The following HEATR5B variants were observed in gnomAD, a reference collection of about 807,000 sequenced individuals.
HEATR5B encodes HEAT repeat-containing protein 5B.
Under a neutral mutation model 224.1 loss-of-function variants are expected in HEATR5B, and 156 were observed. The observed-to-expected ratio is 0.70, with a 90% CI of 0.61 to 0.80. The LOEUF (loss-of-function observed/expected upper bound fraction) is 0.80. HEATR5B is among the 30% of genes least tolerant of loss of function. The probability of loss-of-function intolerance (pLI) is 0.00; values close to 1 mark genes in which losing one functional copy is unlikely to be tolerated. For missense variants in HEATR5B, 2,323 were observed against 2,535.5 expected, an observed-to-expected ratio of 0.92 and a Z score of 1.80; for synonymous variants, 1,027 against 893.0, an observed-to-expected ratio of 1.15 and a Z score of -2.68.
At chr2:36,986,094 C>T (rs141107810) in intron 35 of HEATR5B, among the ~76,000 whole-genome samples, 67 of 152,124 alleles carry the variant, frequency 4.4e-4, no homozygotes, top group African/African-American at 1.3e-3. Context: ...AATACTAGAA[C>T]GCAATAAAAC....
intron 35 of HEATR5B, among the ~76,000 whole-genome samples, chr2:36,986,071 C>A (rs1665931612): frequency 1.3e-5 from 2 of 151,984 alleles, no homozygotes; most frequent in South Asian, 2.1e-4. Context: ...AGAGTCAACT[C>A]AAAAATATTT....
intron 24 of HEATR5B, among the ~76,000 whole-genome samples, chr2:37,021,144 T>C (rs1423681380): frequency 6.8e-6 from 1 of 146,932 alleles, no homozygotes; most frequent in African/African-American, 2.6e-5. Context: ...GGCAGACTTT[T>C]TTGGTAAAGA....
chr2:36,982,655 T>G (rs1205604225), intron 35 of HEATR5B, among the ~76,000 whole-genome samples: 1 of 152,098 alleles, frequency 6.6e-6, no homozygotes. Context: ...GCAAGGACAG[T>G]GATAATAATC....
Position 37,007,232 on chromosome 2 carries a change from A to G in HEATR5B, c.4595T>C (p.Leu1532Pro). 2 of 1,613,960 alleles carry G rather than the reference A, an allele frequency of 1.2e-6. No homozygotes were observed. The highest frequency in any genetic ancestry group is 1.7e-6 in the Non-Finnish European group (2 of 1,179,958). Residue 1532 changes from leucine to proline, a missense_variant, in exon 29 of 36, where the codon CTC becomes CCC. Physicochemically the swap from Leu to Pro is moderately conservative, Grantham distance 98. This residue lies in a region of HEATR5B where 844 missense variants were observed against 812.9 expected (regional missense o/e 1.04). Transcript: ENST00000233099. Reference sequence around the variant, plus strand: ...ATTTAACCAAAGTGCCACCGCATGGAGAATTGGGGCCCAGGAATTCCGATA... The same window carrying G: ...ATTTAACCAAAGTGCCACCGCATGGGGAATTGGGGCCCAGGAATTCCGATA... ...LHYRNSWAPI[L>P]HAVALWLNST...
At chr2:37,060,847 G>A in intron 11 of HEATR5B, 114 bp from the exon 12 acceptor site, 1 of 696,054 alleles carries the variant, frequency 1.4e-6, no homozygotes, top group Non-Finnish European at 2.3e-6. Context: ...TGAAAATAGA[G>A]TAAAATACTG....
intron 35 of HEATR5B, among the ~76,000 whole-genome samples, chr2:36,987,815 T>C (rs1176831186): frequency 6.6e-6 from 1 of 152,190 alleles, no homozygotes; most frequent in Admixed American, 6.5e-5. Flanking sequence ...ACACCTGTAA[T>C]TCTAGCACTT....
rs192131539 is a variant in HEATR5B at position 37,059,966 on chromosome 2, T to A, written c.1849+615A>T. 2.5e-3 allele frequency among the ~76,000 whole-genome samples: 379 copies of A among 152,188 alleles called. 1 individual carries two copies. Among genetic ancestry groups the A allele is most frequent in the African/African-American group, 8.8e-3 (365 of 41,518 alleles). ...GTGAAACATGTATCTCTCTCCCAGTTTGGAAAAAGAAGTAGTTTTCACTCT... is the reference window on the plus strand; with the variant it reads ...GTGAAACATGTATCTCTCTCCCAGTATGGAAAAAGAAGTAGTTTTCACTCT... On this transcript the variant is annotated intron_variant, in intron 12 of 35. Transcript: ENST00000233099.
chr2:37,005,563 CT>C, intron 30 of HEATR5B, 68 bp downstream of exon 30: 2 of 1,445,160 alleles, frequency 1.4e-6, no homozygotes, highest in Non-Finnish European at 1.9e-6. Flanking sequence ...AAAATCCATC[CT>C]TTTTTCCATT....
At chr2:36,994,980 G>C (rs1264043825) in intron 33 of HEATR5B, among the ~76,000 whole-genome samples, 1 of 151,836 alleles carries the variant, frequency 6.6e-6, no homozygotes, top group African/African-American at 2.4e-5. Context: ...TCGATCTCCT[G>C]ACTTCATGAT....
intron 26 of HEATR5B, among the ~76,000 whole-genome samples, chr2:37,015,822 T>C (rs1339399532): frequency 1.3e-5 from 2 of 152,204 alleles, no homozygotes; most frequent in East Asian, 3.8e-4. Context: ...GGTAATTACA[T>C]AACCCTAGGA....
Position 36,984,237 on chromosome 2 carries a change from T to TATATATATAA in HEATR5B, c.5912-2444_5912-2443insTTATATATAT, listed in dbSNP as rs1217602304. ...AAAAATATATATATATATATATATATAAAACTGGAAAAAATATAAGTTATT... is the reference window on the plus strand; with the variant it reads ...AAAAATATATATATATATATATATATATATATATAAAAAACTGGAAAAAATATAAGTTATT... On this transcript the variant is annotated intron_variant, in intron 35 of 35. Coordinates refer to ENST00000233099, the MANE Select transcript of HEATR5B (RefSeq NM_019024.3). 7.5e-4 allele frequency among the ~76,000 whole-genome samples: 84 copies of TATATATATAA among 111,928 alleles called. 1 individual carries two copies. The highest frequency in any genetic ancestry group is 1.4e-3 in the Non-Finnish European group (74 of 53,446). 73.4% of individuals were successfully genotyped at this position (111,928 alleles called of 152,430 possible).
chr2:36,983,514 G>A (rs555105939), intron 35 of HEATR5B, among the ~76,000 whole-genome samples: 2 of 152,126 alleles, frequency 1.3e-5, no homozygotes, highest in Non-Finnish European at 2.9e-5. Flanking sequence ...ACTCCAGCCT[G>A]GGCAACAAGA....
chr2:37,007,139 G>A lies in HEATR5B; in HGVS notation c.4688C>T (p.Thr1563Ile). 2 of 1,614,080 alleles carry A rather than the reference G, an allele frequency of 1.2e-6. No homozygotes were observed. Among genetic ancestry groups the A allele is most frequent in the African/African-American group, 1.3e-5 (1 of 75,022 alleles). ...AAISGLQKRSTSVNLNQASGA... is the reference protein window; with the variant it reads ...AAISGLQKRSISVNLNQASGA... ...TGATGCCTGGTTTAAATTGACAGAT[G>A]TAGAACGTTTTTGTAAACCAGATAT... The change falls in exon 29 of 36, where the codon ACA (threonine) becomes ATA (isoleucine). Residue 1563 changes from threonine (T) to isoleucine (I), a missense_variant. By Grantham distance (89) the Thr-to-Ile change is moderately conservative. Transcript: ENST00000233099.
chr2:37,059,145 T>C (rs1025098237), intron 12 of HEATR5B, among the ~76,000 whole-genome samples, 158 bp from the exon 13 acceptor site: 3 of 151,342 alleles, frequency 2.0e-5, no homozygotes, highest in Admixed American at 2.0e-4. Context: ...TTGCAACAAC[T>C]ACAAAGAAAA....
chr2:37,078,160 C>T (rs1020791131), intron 3 of HEATR5B, among the ~76,000 whole-genome samples: 3 of 152,092 alleles, frequency 2.0e-5, no homozygotes. Flanking sequence ...GAGTCATTCC[C>T]GCTCCAACAA....
chr2:36,997,436 G>A (rs747049818), intron 33 of HEATR5B, among the ~76,000 whole-genome samples: 9 of 152,122 alleles, frequency 5.9e-5, no homozygotes, highest in Non-Finnish European at 8.8e-5. Context: ...CGATCTACCT[G>A]TCTCAGCCTC....
chr2:37,055,070 G>A (rs1183595462), intron 16 of HEATR5B: 1 of 399,214 alleles, frequency 2.5e-6, no homozygotes, highest in South Asian at 1.9e-5. Flanking sequence ...ATTCTTAAAA[G>A]TAAGTAAGTA....
chr2:37,031,694 T>C (rs1426746791), intron 22 of HEATR5B, among the ~76,000 whole-genome samples: 1 of 152,208 alleles, frequency 6.6e-6, no homozygotes, highest in African/African-American at 2.4e-5. Context: ...CAATACCGTA[T>C]ATCTGTTAAT....
At chr2:36,999,152 G>A (rs1666921175) in intron 33 of HEATR5B, among the ~76,000 whole-genome samples, 2 of 152,022 alleles carry the variant, frequency 1.3e-5, no homozygotes, top group South Asian at 4.1e-4. Context: ...CTGGGAGGCG[G>A]AGGCTGTGGT....
Sources: allele counts gnomAD v4.1 joint callset (sites outside exome capture counted in the v4.1 genomes callset), GRCh38; gene constraint gnomAD v4.1.1; regional missense constraint gnomAD v4.1.1; transcripts MANE v1.5; gene names NCBI Gene and HGNC (gene_info 2026-07-23, HGNC 2026-07-21).